DLGAP2: variants seen among roughly 807,000 people sequenced by gnomAD.
DLGAP2 encodes the protein disks large-associated protein 2.
Under a neutral mutation model 100.3 loss-of-function variants are expected in DLGAP2, and 26 were observed. That is an observed-to-expected ratio of 0.26 (90% CI 0.19 to 0.36). DLGAP2 has a LOEUF of 0.36. DLGAP2 is among the 10% of genes least tolerant of loss of function. DLGAP2 has a pLI of 1.00. For missense variants in DLGAP2, 1,858 were observed against 1,453.2 expected, an observed-to-expected ratio of 1.28 and a Z score of -4.53; for synonymous variants, 886 against 630.1, an observed-to-expected ratio of 1.41 and a Z score of -6.08.
At chr8:1,219,905 T>C (rs112888709) in intron 2 of DLGAP2, among the ~76,000 whole-genome samples, 1 of 152,042 alleles carries the variant, frequency 6.6e-6, no homozygotes, top group African/African-American at 2.4e-5. Context: ...TGCATAGTGG[T>C]GTTAGTAATA....
At chr8:1,348,201 G>C (rs1487441524) in intron 3 of DLGAP2, among the ~76,000 whole-genome samples, 1 of 152,196 alleles carries the variant, frequency 6.6e-6, no homozygotes, top group African/African-American at 2.4e-5. Context: ...TCCACATAGA[G>C]CTGCATTGCA....
intron 1 of DLGAP2, among the ~76,000 whole-genome samples, chr8:805,791 A>T (rs1011674662): frequency 1.3e-5 from 2 of 152,128 alleles, no homozygotes; most frequent in Non-Finnish European, 2.9e-5. Context: ...CCCAAAGCGC[A>T]GGGATTACAT....
At chr8:1,615,844 G>C (rs28505586) in intron 6 of DLGAP2, among the ~76,000 whole-genome samples, 2 of 91,412 alleles carry the variant, frequency 2.2e-5, no homozygotes, top group Non-Finnish European at 5.3e-5. Flanking sequence ...AAGGTCTTAT[G>C]AATGATATAA....
intron 2 of DLGAP2, among the ~76,000 whole-genome samples, chr8:1,235,208 TCTAGTTCTCTCACACATGG>T (rs1798622147): frequency 1.8e-5 from 2 of 113,796 alleles, no homozygotes; most frequent in African/African-American, 3.1e-5. Flanking sequence ...TGGCGTCATG[TCTAGTTCTCTCACACATGG>T]CATGTCTAGT....
chr8:1,590,770 A>G (rs11136415), intron 6 of DLGAP2, among the ~76,000 whole-genome samples: 80,227 of 152,006 alleles, frequency 0.53, 21,962 homozygotes, highest in African/African-American at 0.68. Flanking sequence ...GTCCTGAGGG[A>G]CATTCCTTCC....
intron 3 of DLGAP2, among the ~76,000 whole-genome samples, chr8:1,303,413 A>C (rs1180324460): frequency 6.6e-6 from 1 of 151,290 alleles, no homozygotes; most frequent in East Asian, 1.9e-4. Flanking sequence ...AAAAAAAAAA[A>C]AAAAAAAAAA....
chr8:1,033,407 C>G (rs1032912601), intron 2 of DLGAP2, among the ~76,000 whole-genome samples: 14 of 152,174 alleles, frequency 9.2e-5, no homozygotes, highest in African/African-American at 3.1e-4. Context: ...TGGCTCACAC[C>G]TGTAATCCCA....
chr8:828,162 G>A (rs907519922), intron 1 of DLGAP2, among the ~76,000 whole-genome samples: 22 of 152,316 alleles, frequency 1.4e-4, no homozygotes, highest in African/African-American at 4.6e-4. Context: ...GGGCACCACT[G>A]TCATTGATAA....
chr8:892,811 T>C (rs1270033003), intron 1 of DLGAP2, among the ~76,000 whole-genome samples: 1 of 152,110 alleles, frequency 6.6e-6, no homozygotes, highest in Non-Finnish European at 1.5e-5. Context: ...GGAGGGAATT[T>C]AGGGTTTTTC....
intron 2 of DLGAP2, among the ~76,000 whole-genome samples, chr8:1,122,515 A>C (rs1796072217): frequency 6.6e-6 from 1 of 152,226 alleles, no homozygotes; most frequent in Admixed American, 6.5e-5. Context: ...CGCATTTAAG[A>C]AAATCCTTTT....
At chr8:1,544,414 C>A (rs1272651461) in intron 4 of DLGAP2, among the ~76,000 whole-genome samples, 3 of 152,170 alleles carry the variant, frequency 2.0e-5, no homozygotes, top group Admixed American at 6.5e-5. Flanking sequence ...ACAGGGAGAG[C>A]TTTCAGCCCT....
intron 1 of DLGAP2, chr8:821,957 G>A (rs1205073170): frequency 1.3e-5 from 5 of 393,124 alleles, no homozygotes; most frequent in Non-Finnish European, 2.2e-5. Context: ...ACTTCTTCTT[G>A]CCATATTGCT....
At chr8:1,693,008 T>C (rs990011770) in intron 13 of DLGAP2, among the ~76,000 whole-genome samples, 5 of 148,250 alleles carry the variant, frequency 3.4e-5, no homozygotes, top group African/African-American at 9.8e-5. Flanking sequence ...ATTATAATCA[T>C]ATGCATCTAT....
At chr8:1,136,006 C>T (rs1423464297) in intron 2 of DLGAP2, among the ~76,000 whole-genome samples, 4 of 152,228 alleles carry the variant, frequency 2.6e-5, no homozygotes, top group African/African-American at 7.2e-5. Flanking sequence ...AAAAATCAAA[C>T]TTTATTCAAG....
chr8:1,138,557 C>T (rs1796464142), intron 2 of DLGAP2, among the ~76,000 whole-genome samples: 1 of 152,214 alleles, frequency 6.6e-6, no homozygotes, highest in Non-Finnish European at 1.5e-5. Flanking sequence ...ACAGGCAGCC[C>T]ATTAGAAACA....
chr8:1,031,027 T>C (rs1005090522), intron 2 of DLGAP2, among the ~76,000 whole-genome samples: 7 of 152,246 alleles, frequency 4.6e-5, no homozygotes, highest in African/African-American at 1.4e-4. Context: ...AAGGTTGTTT[T>C]TCCTGGTGGC....
chr8:795,404 G>A (rs1218656263), intron 1 of DLGAP2, among the ~76,000 whole-genome samples: 1 of 152,198 alleles, frequency 6.6e-6, no homozygotes, highest in Non-Finnish European at 1.5e-5. Flanking sequence ...CTTGCACTTA[G>A]ACTGTCTAGA....
chr8:1,580,535 C>A (rs528829059), intron 6 of DLGAP2, among the ~76,000 whole-genome samples: 13 of 152,160 alleles, frequency 8.5e-5, no homozygotes, highest in Non-Finnish European at 1.5e-4. Context: ...GCCAGAAAGA[C>A]GAAAGCAGAG....
intron 2 of DLGAP2, among the ~76,000 whole-genome samples, chr8:1,145,246 G>A (rs995237268): frequency 2.0e-5 from 3 of 151,954 alleles, no homozygotes; most frequent in African/African-American, 4.8e-5. Context: ...GCCCCACCCA[G>A]CCACCATCCG....
Sources: allele counts gnomAD v4.1 joint callset (sites outside exome capture counted in the v4.1 genomes callset), GRCh38; gene constraint gnomAD v4.1.1; transcripts MANE v1.5; gene names NCBI Gene and HGNC (gene_info 2026-07-23, HGNC 2026-07-21).